PLCB1: variants seen among roughly 807,000 people sequenced by gnomAD.
The protein encoded by PLCB1 is phospholipase C beta 1.
In PLCB1, 46 loss-of-function variants were observed where a neutral mutation model predicts 161.8. That is an observed-to-expected ratio of 0.28 (90% CI 0.22 to 0.36). PLCB1 has a LOEUF of 0.36. PLCB1 is among the 10% of genes least tolerant of loss of function. The pLI is 1.00. For synonymous variants in PLCB1, 517 were observed against 503.7 expected, an observed-to-expected ratio of 1.03 and a Z score of -0.35; for missense variants, 1,016 against 1,472.5, an observed-to-expected ratio of 0.69 and a Z score of 5.07.
chr20:8,460,777 G>T (rs1020489136), intron 3 of PLCB1, among the ~76,000 whole-genome samples: 2 of 152,154 alleles, frequency 1.3e-5, no homozygotes, highest in African/African-American at 4.8e-5. Context: ...CCCCATTTAA[G>T]ATTTTCAAGT....
chr20:8,226,950 G>A (rs1979725477), intron 2 of PLCB1, among the ~76,000 whole-genome samples: 1 of 152,140 alleles, frequency 6.6e-6, no homozygotes, highest in African/African-American at 2.4e-5. Context: ...GCCTCCCAAA[G>A]TGCTGGGATT....
intron 9 of PLCB1, among the ~76,000 whole-genome samples, chr20:8,677,376 G>T (rs919922739): frequency 6.6e-6 from 1 of 152,134 alleles, no homozygotes; most frequent in Non-Finnish European, 1.5e-5. Flanking sequence ...TTGCACTCCA[G>T]CCTGGGCAAC....
intron 1 of PLCB1, among the ~76,000 whole-genome samples, chr20:8,147,738 G>C (rs1568569736): frequency 6.6e-6 from 1 of 152,182 alleles, no homozygotes; most frequent in South Asian, 2.1e-4. Context: ...ACTGTGGCCG[G>C]AAGAGTGGGG....
At chr20:8,570,657 AAAC>A (rs1185499856) in intron 3 of PLCB1, among the ~76,000 whole-genome samples, 2 of 88,316 alleles carry the variant, frequency 2.3e-5, no homozygotes, top group South Asian at 5.7e-4. Context: ...GAGACCCCAG[AAAC>A]AACAATAAAT....
At chr20:8,369,338 CT>C (rs1186615635) in intron 2 of PLCB1, among the ~76,000 whole-genome samples, 1 of 152,162 alleles carries the variant, frequency 6.6e-6, no homozygotes, top group Non-Finnish European at 1.5e-5. Context: ...CCTCTCAGAT[CT>C]CCACTTATTT....
intron 3 of PLCB1, among the ~76,000 whole-genome samples, chr20:8,410,976 C>A (rs1568665694): frequency 6.6e-6 from 1 of 152,222 alleles, no homozygotes; most frequent in Non-Finnish European, 1.5e-5. Flanking sequence ...TCTCCCGTAG[C>A]AGCGTGACAC....
intron 23 of PLCB1, among the ~76,000 whole-genome samples, chr20:8,746,611 C>G (rs1287794809): frequency 2.0e-5 from 3 of 152,192 alleles, no homozygotes; most frequent in Admixed American, 6.5e-5. Flanking sequence ...TCCCAAAGCA[C>G]TGAGATTACA....
At chr20:8,680,685 A>G (rs1990189420) in intron 9 of PLCB1, among the ~76,000 whole-genome samples, 1 of 152,100 alleles carries the variant, frequency 6.6e-6, no homozygotes, top group Non-Finnish European at 1.5e-5. Context: ...TTCAAACTCA[A>G]TCTTTGTTCT....
At chr20:8,873,802 T>C (rs990630094) in intron 31 of PLCB1, among the ~76,000 whole-genome samples, 1 of 152,110 alleles carries the variant, frequency 6.6e-6, no homozygotes, top group African/African-American at 2.4e-5. Flanking sequence ...GAGAGCCTTA[T>C]GATTTTTTTA....
chr20:8,132,704 T>C lies in PLCB1; in HGVS notation c.53T>C (p.Val18Ala), dbSNP rs1294713187. The C allele has an allele frequency of 6.2e-7, 1 of 1,612,924 alleles. No individual in the cohort carries two copies. Among genetic ancestry groups the C allele is most frequent in the Non-Finnish European group, 8.5e-7 (1 of 1,179,406 alleles). The change falls in exon 1 of 32, where the codon GTG becomes GCG. Residue 18 changes from valine to alanine, a missense_variant. Val to Ala is a moderately conservative substitution (Grantham distance 64). Around this residue, in one of 10 missense-constraint regions of PLCB1, gnomAD observed 181 missense variants for 236.7 expected, o/e 0.76. Transcript: ENST00000338037. This position sits in a 1 kb window ranked among gnomAD's most constrained non-coding sequence, Gnocchi z 5.2. Reference sequence around the variant, plus strand: ...GCCTTGCAACTCAAGCCCGTGTGCGTGTCCGACAGCCTCAAGAAGGGCACC... The same window carrying C: ...GCCTTGCAACTCAAGCCCGTGTGCGCGTCCGACAGCCTCAAGAAGGGCACC... The part of the protein sequence containing the change: ...VHALQLKPVC[V>A]SDSLKKGTKF...
intron 2 of PLCB1, among the ~76,000 whole-genome samples, chr20:8,340,525 C>T (rs1985763157): frequency 6.6e-6 from 1 of 152,026 alleles, no homozygotes; most frequent in African/African-American, 2.4e-5. Flanking sequence ...CGGGTTCACG[C>T]CATTCTCCTG....
chr20:8,184,689 T>C lies in PLCB1; in HGVS notation c.177+34318T>C, dbSNP rs139057874. Among the ~76,000 whole-genome samples, 712 of 151,524 alleles carry C rather than the reference T, an allele frequency of 4.7e-3. 4 individuals are homozygous for C. Among genetic ancestry groups the C allele is most frequent in the Middle Eastern group, 0.021 (6 of 290 alleles). On this transcript the variant is annotated intron_variant, in intron 2 of 31. Coordinates refer to ENST00000338037, the MANE Select transcript of PLCB1 (RefSeq NM_015192.4). ...GCATAAGAAAACCCATTCATGATAGTAGAAATGTAAATTGTAACCACACTG... is the reference window on the plus strand; with the variant it reads ...GCATAAGAAAACCCATTCATGATAGCAGAAATGTAAATTGTAACCACACTG...
intron 26 of PLCB1, among the ~76,000 whole-genome samples, chr20:8,771,977 G>A (rs944970817): frequency 3.2e-4 from 48 of 151,518 alleles, no homozygotes; most frequent in African/African-American, 1.0e-3. Context: ...GACCTCCTGG[G>A]CTCAATCAAT....
Position 8,884,845 on chromosome 20 carries a change from AT to A in PLCB1, c.*3000del. On this transcript the variant is annotated 3_prime_UTR_variant, in exon 32 of 32. Coordinates refer to ENST00000338037, the MANE Select transcript of PLCB1 (RefSeq NM_015192.4). ...TGGCATGATGTTTCTTCCACTTGTA[AT>A]TTTATGTGCTTTCATCACAAATCCA... The A allele has an allele frequency of 6.5e-6, 1 of 152,748 alleles. No individual in the cohort carries two copies. Among genetic ancestry groups the A allele is most frequent in the African/African-American group, 2.4e-5 (1 of 41,580 alleles). The allele number at this position is 152,748 out of a possible 1,614,324, so 9.5% of individuals were successfully genotyped here. A position where few individuals can be genotyped will look rare whatever the true frequency, so the allele number is the denominator to read the frequency against.
chr20:8,427,647 G>A (rs1323037297), intron 3 of PLCB1, among the ~76,000 whole-genome samples: 1 of 152,166 alleles, frequency 6.6e-6, no homozygotes, highest in Non-Finnish European at 1.5e-5. Context: ...AGGAGTTCTG[G>A]GCTGGGATTT....
At chr20:8,367,167 ATATTTTTATTTGAAAG>A (rs1476756303) in intron 2 of PLCB1, among the ~76,000 whole-genome samples, 25 of 152,238 alleles carry the variant, frequency 1.6e-4, no homozygotes, top group African/African-American at 5.8e-4. Flanking sequence ...AGTAAGTGTA[ATATTTTTATTTGAAAG>A]TTCCCAATAT....
chr20:8,734,001 G>T (rs1980437893), intron 19 of PLCB1, among the ~76,000 whole-genome samples: 1 of 149,094 alleles, frequency 6.7e-6, no homozygotes, highest in African/African-American at 2.4e-5. Context: ...GGTGGCGGGC[G>T]CCTGTAGTGC....
At chr20:8,416,929 T>TACACACAC (rs56097941) in intron 3 of PLCB1, among the ~76,000 whole-genome samples, 76 of 126,452 alleles carry the variant, frequency 6.0e-4, no homozygotes, top group Middle Eastern at 3.8e-3. Context: ...AGAGACAGAA[T>TACACACAC]ACACACACAC....
intron 3 of PLCB1, among the ~76,000 whole-genome samples, chr20:8,542,246 C>G (rs995569414): frequency 4.6e-5 from 7 of 152,128 alleles, no homozygotes; most frequent in Admixed American, 2.0e-4. Context: ...ACTAGTGCCT[C>G]GGGCATTCCT....
Sources: allele counts gnomAD v4.1 joint callset (sites outside exome capture counted in the v4.1 genomes callset), GRCh38; gene constraint gnomAD v4.1.1; regional missense constraint gnomAD v4.1.1; non-coding constraint Gnocchi (gnomAD v3.1); transcripts MANE v1.5; gene names NCBI Gene and HGNC (gene_info 2026-07-23, HGNC 2026-07-21).